The following ZNF471 variants were observed in gnomAD, a reference collection of about 807,000 sequenced individuals.
ZNF471 encodes the protein EZFIT-related protein 1.
ZNF471 carries 7 observed loss-of-function variants against 13.7 expected under a neutral mutation model. The observed-to-expected ratio is 0.51, with a 90% CI of 0.29 to 0.96. ZNF471 has a LOEUF of 0.96. Among genes scored for constraint, ZNF471 ranks in the 40% least tolerant of loss-of-function variants. The pLI is 0.08. For synonymous variants in ZNF471, 218 were observed against 235.6 expected, an observed-to-expected ratio of 0.93 and a Z score of 0.68; for missense variants, 663 against 743.3, an observed-to-expected ratio of 0.89 and a Z score of 1.26.
At chr19:56,509,631 C>T (rs879865265) in intron 1 of ZNF471, 1 of 91,360 alleles carries the variant, frequency 1.1e-5, no homozygotes, top group Non-Finnish European at 2.5e-5. Flanking sequence ...ATTGGGTTGC[C>T]CTAGAGGTCA....
rs200721043 is a variant in ZNF471 at position 56,522,740 on chromosome 19, C to CTT, written c.257-1572_257-1571dup. ...GTAGCAATATATTTTTTCTTTTTTT[C>CTT]TTTTTTTTTTTTTGAGATGGAGTTT... On this transcript the variant is annotated intron_variant, in intron 4 of 4. Coordinates refer to ENST00000308031, the MANE Select transcript of ZNF471 (RefSeq NM_020813.4). This position sits in a 1 kb window ranked among gnomAD's most constrained non-coding sequence, Gnocchi z 4.1. 7.0e-6 allele frequency among the ~76,000 whole-genome samples: 1 copy of CTT among 142,868 alleles called. No homozygotes were observed. Among genetic ancestry groups the CTT allele is most frequent in the Non-Finnish European group, 1.5e-5 (1 of 64,910 alleles). The allele number at this position is 142,868 out of a possible 152,430, so 93.7% of individuals were successfully genotyped here. A position where few individuals can be genotyped will look rare whatever the true frequency, so the allele number is the denominator to read the frequency against.
In ZNF471 at chr19:56,524,178, C is replaced by A; in HGVS notation, c.257-146C>A. On this transcript the variant is annotated intron_variant, in intron 4 of 4. Coordinates refer to ENST00000308031, the MANE Select transcript of ZNF471 (RefSeq NM_020813.4). This position sits in a 1 kb window ranked among gnomAD's most constrained non-coding sequence, Gnocchi z 4.8. ...CTTCATGAGCTGTCTTTCTTGGGGT[C>A]TCCCTGAATGTTTTCCAGTTGACAT... 1 of 573,742 alleles carries A rather than the reference C, an allele frequency of 1.7e-6. No individual in the cohort carries two copies. The allele number at this position is 573,742 out of a possible 1,614,324, so 35.5% of individuals were successfully genotyped here. A position where few individuals can be genotyped will look rare whatever the true frequency, so the allele number is the denominator to read the frequency against.
rs898072675 is a variant in ZNF471 at position 56,522,725 on chromosome 19, ATTTTTTCT to A, written c.257-1584_257-1577del. On this transcript the variant is annotated intron_variant, in intron 4 of 4. Coordinates refer to ENST00000308031, the MANE Select transcript of ZNF471 (RefSeq NM_020813.4). The surrounding 1 kb of genome is among the most constrained non-coding windows in gnomAD (Gnocchi z 4.1). Reference sequence around the variant, plus strand: ...TCTATGGTAAGTGATGTAGCAATATATTTTTTCTTTTTTTCTTTTTTTTTTTTTGAGAT... The same window carrying A: ...TCTATGGTAAGTGATGTAGCAATATATTTTTTCTTTTTTTTTTTTTGAGAT... Among the ~76,000 whole-genome samples the A allele has an allele frequency of 6.7e-6, 1 of 149,614 alleles. No homozygotes were observed. Among genetic ancestry groups the A allele is most frequent in the African/African-American group, 2.5e-5 (1 of 40,712 alleles).
Position 56,508,002 on chromosome 19 carries a change from C to T in ZNF471, c.-56+82C>T. 1 of 985,814 alleles carries T rather than the reference C, an allele frequency of 1.0e-6. No homozygotes were observed. Among genetic ancestry groups the T allele is most frequent in the Non-Finnish European group, 1.2e-6 (1 of 830,256 alleles). The allele number at this position is 985,814 out of a possible 1,614,324, so 61.1% of individuals were successfully genotyped here. ...CGAGGCGGGCGGCTCCGACGCGGGT[C>T]GCGAAGGCCCAGCCGCGTCCTCTGT... On this transcript the variant is annotated intron_variant, in intron 1 of 4. Transcript: ENST00000308031. This position sits in a 1 kb window ranked among gnomAD's most constrained non-coding sequence, Gnocchi z 4.7.
rs767501008 is a variant in ZNF471, at chr19:56,525,173, A to AT, written c.1107dup (p.Thr370TyrfsTer7). Reference sequence around the variant, plus strand: ...TTTATTCGTCACTGGAGGAGTTATCATACTGGAGAGAAGCCTTTTAATTGC... The same window carrying AT: ...TTTATTCGTCACTGGAGGAGTTATCATTACTGGAGAGAAGCCTTTTAATTGC... On this transcript the variant is annotated frameshift_variant, in exon 5 of 5. Transcript: ENST00000308031. LOFTEE classifies it low-confidence loss of function (END_TRUNC). The AT allele has an allele frequency of 5.6e-6, 9 of 1,614,076 alleles. No individual in the cohort carries two copies. In the Admixed American group the frequency reaches 6.7e-5, roughly 12 times the overall value.
At chr19:56,520,864 G>A (rs1367542451) in intron 4 of ZNF471, among the ~76,000 whole-genome samples, 2 of 152,220 alleles carry the variant, frequency 1.3e-5, no homozygotes, top group Non-Finnish European at 2.9e-5. Context: ...GTTTGTAAGT[G>A]TATTAGTCTG....
Position 56,526,061 on chromosome 19 carries a change from G to C in ZNF471, c.*113G>C. On this transcript the variant is annotated 3_prime_UTR_variant, in exon 5 of 5. Transcript: ENST00000308031. ...TGTAAGAAATGTAGAAAAACCTTCAGCCAGGAGGCTGGCAAGATGGCCGAA... is the reference window on the plus strand; with the variant it reads ...TGTAAGAAATGTAGAAAAACCTTCACCCAGGAGGCTGGCAAGATGGCCGAA... The C allele has an allele frequency of 6.6e-6, 8 of 1,205,834 alleles. No homozygotes were observed. The highest frequency in any genetic ancestry group is 9.0e-6 in the Non-Finnish European group (8 of 884,168). 74.7% of individuals were successfully genotyped at this position (1,205,834 alleles called of 1,614,324 possible).
At chr19:56,511,680 T>C (rs2043814100) in intron 2 of ZNF471, 76 bp downstream of exon 2, 2 of 1,263,300 alleles carry the variant, frequency 1.6e-6, no homozygotes, top group Admixed American at 3.4e-5. Flanking sequence ...TCTTTTCTTT[T>C]GAAAATTCCC....
Position 56,511,716 on chromosome 19 carries a change from C to T in ZNF471, c.33+112C>T, listed in dbSNP as rs76154566. ...TGATTAACAGTCCAGGAGCCTAGTT[C>T]CCACTTCTCTCAGGGGCCACTGTCT... On this transcript the variant is annotated intron_variant, in intron 2 of 4. Transcript: ENST00000308031. 1.1e-3 allele frequency: 892 copies of T among 845,024 alleles called. 2 individuals are homozygous for T. In the African/African-American group the frequency reaches 0.014, roughly 13 times the overall value. The allele number at this position is 845,024 out of a possible 1,614,324, so 52.3% of individuals were successfully genotyped here.
rs2043759665 is a variant in ZNF471, at chr19:56,508,242, TGTGTGTGTGTGACA to T, written c.-56+324_-56+337del. 1.1e-6 allele frequency: 1 copy of T among 890,768 alleles called. No individual in the cohort carries two copies. The highest frequency in any genetic ancestry group is 1.3e-6 in the Non-Finnish European group (1 of 752,852). The allele number at this position is 890,768 out of a possible 1,614,324, so 55.2% of individuals were successfully genotyped here. On this transcript the variant is annotated intron_variant, in intron 1 of 4. Coordinates refer to ENST00000308031, the MANE Select transcript of ZNF471 (RefSeq NM_020813.4). The surrounding 1 kb of genome is among the most constrained non-coding windows in gnomAD (Gnocchi z 4.7). Reference sequence around the variant, plus strand: ...AGGGTGTGGTTTCTGTGTGTGTGTGTGTGTGTGTGTGACAGACCGAGAGTCCAGTGTGAGACCAG... The same window carrying T: ...AGGGTGTGGTTTCTGTGTGTGTGTGTGACCGAGAGTCCAGTGTGAGACCAG...
Position 56,527,830 on chromosome 19 carries a change from C to T in ZNF471, c.*1882C>T, listed in dbSNP as rs1396960337. 1 of 152,210 alleles carries T rather than the reference C, an allele frequency of 6.6e-6. No homozygotes were observed. The highest frequency in any genetic ancestry group is 6.5e-5 in the Admixed American group (1 of 15,284). 9.4% of individuals were successfully genotyped at this position (152,210 alleles called of 1,614,324 possible). A position where few individuals can be genotyped will look rare whatever the true frequency, so the allele number is the denominator to read the frequency against. On this transcript the variant is annotated 3_prime_UTR_variant, in exon 5 of 5. Coordinates refer to ENST00000308031, the MANE Select transcript of ZNF471 (RefSeq NM_020813.4). ...AGTTCATTTCAGGCAGCCAGCTCTT[C>T]CTCACCCACTACATCACCAAGTCCT...
In ZNF471 at chr19:56,524,895, C is replaced by A; in HGVS notation, c.828C>A (p.His276Gln). 1 of 1,612,538 alleles carries A rather than the reference C, an allele frequency of 6.2e-7. No individual in the cohort carries two copies. Among genetic ancestry groups the A allele is most frequent in the South Asian group, 1.1e-5 (1 of 90,796 alleles). Residue 276 changes from histidine to glutamine, a missense_variant, in exon 5 of 5, where the codon CAC becomes CAA. Coordinates refer to ENST00000308031, the MANE Select transcript of ZNF471 (RefSeq NM_020813.4). The surrounding 1 kb of genome is among the most constrained non-coding windows in gnomAD (Gnocchi z 4.8). The stretch of plus-strand genomic sequence containing the variant: ...GGAAAGCCTTCAAACAAAGTGAACA[C>A]CTTATTCAGCATCAAAGAATTCATA... ...ECRKAFKQSE[H>Q]LIQHQRIHTG...
chr19:56,512,543 A>T (rs910782140), intron 2 of ZNF471, among the ~76,000 whole-genome samples: 2 of 152,214 alleles, frequency 1.3e-5, no homozygotes, highest in Admixed American at 1.3e-4. Flanking sequence ...TATTTTTTCA[A>T]GTTGGCACAA....
Position 56,526,280 on chromosome 19 carries a change from C to G in ZNF471, c.*332C>G, listed in dbSNP as rs1051570694. 2 of 222,662 alleles carry G rather than the reference C, an allele frequency of 9.0e-6. No individual in the cohort carries two copies. Among genetic ancestry groups the G allele is most frequent in the Admixed American group, 1.0e-4 (2 of 19,938 alleles). 13.8% of individuals were successfully genotyped at this position (222,662 alleles called of 1,614,324 possible). On this transcript the variant is annotated 3_prime_UTR_variant, in exon 5 of 5. Transcript: ENST00000308031. ...TGCAAGGAGTCGGGGATCTCCCTCC[C>G]CTAGCCAAGGGAAGCCATGAGGGAC...
At chr19:56,514,261 C>T (rs1265990648) in intron 2 of ZNF471, among the ~76,000 whole-genome samples, 3 of 151,896 alleles carry the variant, frequency 2.0e-5, no homozygotes, top group Non-Finnish European at 4.4e-5. Context: ...GGGGTTTTGC[C>T]ATGTTGTCCT....
intron 1 of ZNF471, among the ~76,000 whole-genome samples, chr19:56,511,191 AAGAG>A (rs1200276312): frequency 6.6e-6 from 1 of 151,600 alleles, no homozygotes; most frequent in East Asian, 1.9e-4. Context: ...GAGACCCAAG[AAGAG>A]AATGACTCCA....
At chr19:56,515,518 A>C (rs927067357) in intron 2 of ZNF471, among the ~76,000 whole-genome samples, 3 of 152,240 alleles carry the variant, frequency 2.0e-5, no homozygotes, top group Admixed American at 2.0e-4. Flanking sequence ...GCTTTTAAAC[A>C]CTAATCTTCA....
rs1600519593 is a variant in ZNF471, at chr19:56,522,031, G to A, written c.257-2293G>A. On this transcript the variant is annotated intron_variant, in intron 4 of 4. Transcript: ENST00000308031. This position sits in a 1 kb window ranked among gnomAD's most constrained non-coding sequence, Gnocchi z 4.1. ...TGTTTAGATACAAAAATACCATTGT[G>A]CTTCAGTTGCCTATAGTATTCAGTG... Among the ~76,000 whole-genome samples the A allele has an allele frequency of 6.6e-6, 1 of 152,288 alleles. No homozygotes were observed. The highest frequency in any genetic ancestry group is 1.9e-4 in the East Asian group (1 of 5,182).
At chr19:56,511,407 C>T (rs2043809915) in intron 1 of ZNF471, 110 bp from the exon 2 acceptor site, 5 of 801,882 alleles carry the variant, frequency 6.2e-6, no homozygotes, top group Non-Finnish European at 9.5e-6. Context: ...TTGCTCATAC[C>T]CAGTTATGGG....
Sources: allele counts gnomAD v4.1 joint callset (sites outside exome capture counted in the v4.1 genomes callset), GRCh38; gene constraint gnomAD v4.1.1; non-coding constraint Gnocchi (gnomAD v3.1); transcripts MANE v1.5; gene names NCBI Gene and HGNC (gene_info 2026-07-23, HGNC 2026-07-21).